TCF12: variants seen among roughly 807,000 people sequenced by gnomAD.
TCF12 encodes DNA-binding protein HTF4.
In TCF12, 45 loss-of-function variants were observed where a neutral mutation model predicts 86.0. That is an observed-to-expected ratio of 0.52 (90% CI 0.41 to 0.67). The LOEUF is 0.67. Among genes scored for constraint, TCF12 ranks in the 30% least tolerant of loss-of-function variants. The pLI is 0.00. For missense variants in TCF12, 881 were observed against 859.9 expected (o/e 1.02, Z -0.31); for synonymous variants, 330 against 299.6 (o/e 1.10, Z -1.05).
Position 57,059,703 on chromosome 15 carries a change from C to T in TCF12, c.149-4047C>T, listed in dbSNP as rs1318709805. ...ACTTACTCAAACTCTGCAGTGTTAA[C>T]AATAATTTGTTTACAGGGCTCATAT... On this transcript the variant is annotated intron_variant, in intron 3 of 20. Coordinates refer to ENST00000333725, the MANE Select transcript of TCF12 (RefSeq NM_207037.2). Among the ~76,000 whole-genome samples the T allele has an allele frequency of 1.0e-4, 10 of 96,574 alleles. No individual in the cohort carries two copies. The East Asian group carries it at 3.6e-3, about 35-fold the overall frequency. 63.4% of individuals were successfully genotyped at this position (96,574 alleles called of 152,430 possible).
chr15:57,219,569 G>A (rs754172326), intron 8 of TCF12: 1 of 1,613,390 alleles, frequency 6.2e-7, no homozygotes, highest in Admixed American at 1.7e-5. Flanking sequence ...ATTCTTTGAT[G>A]TATTACTACA....
chr15:57,131,410 T>A (rs1464401204), intron 5 of TCF12, among the ~76,000 whole-genome samples: 2 of 152,172 alleles, frequency 1.3e-5, no homozygotes, highest in Non-Finnish European at 2.9e-5. Flanking sequence ...ATTATGTTGT[T>A]TGGGGGATGG....
intron 4 of TCF12, among the ~76,000 whole-genome samples, chr15:57,080,308 T>G (rs1016227800): frequency 6.6e-6 from 1 of 152,218 alleles, no homozygotes; most frequent in Non-Finnish European, 1.5e-5. Context: ...CTGAGCACTC[T>G]GCAAGAGAAA....
At chr15:56,946,170 G>A (rs1029970679) in intron 3 of TCF12, among the ~76,000 whole-genome samples, 2 of 152,116 alleles carry the variant, frequency 1.3e-5, no homozygotes, top group East Asian at 3.9e-4. Flanking sequence ...CATTTCGGCT[G>A]CTCTATCTTT....
chr15:57,077,399 A>C, intron 4 of TCF12, among the ~76,000 whole-genome samples: 1 of 127,394 alleles, frequency 7.8e-6, no homozygotes, highest in African/African-American at 3.3e-5. Flanking sequence ...TTTTTTGGCA[A>C]GGCTTTGCTC....
chr15:57,056,823 T>G (rs1423112060), intron 3 of TCF12, among the ~76,000 whole-genome samples: 1 of 151,470 alleles, frequency 6.6e-6, no homozygotes, highest in African/African-American at 2.4e-5. Flanking sequence ...TTTTTTTTCA[T>G]TAAAAGCATG....
intron 4 of TCF12, among the ~76,000 whole-genome samples, chr15:57,089,513 G>A (rs2048854234): frequency 6.6e-6 from 1 of 151,362 alleles, no homozygotes; most frequent in South Asian, 2.1e-4. Context: ...TAAATTGTGT[G>A]TAGTCATTTA....
At chr15:57,051,407 T>C (rs1488555659) in intron 3 of TCF12, among the ~76,000 whole-genome samples, 1 of 152,218 alleles carries the variant, frequency 6.6e-6, no homozygotes, top group Non-Finnish European at 1.5e-5. Context: ...TTCTGCTCCC[T>C]TGTGTTTCCC....
chr15:57,192,409 G>C, intron 7 of TCF12, 116 bp downstream of exon 7: 1 of 1,397,430 alleles, frequency 7.2e-7, no homozygotes, highest in Non-Finnish European at 9.6e-7. Context: ...CTTTGTTTAA[G>C]ACAGCGTCTC....
chr15:56,926,196 C>A (rs2060006804), intron 3 of TCF12, among the ~76,000 whole-genome samples: 1 of 151,812 alleles, frequency 6.6e-6, no homozygotes, highest in South Asian at 2.1e-4. Context: ...GCCTGTAGTC[C>A]CAGCTACTGG....
At chr15:57,164,668 A>G (rs72731970) in intron 5 of TCF12, among the ~76,000 whole-genome samples, 28,340 of 152,036 alleles carry the variant, frequency 0.19, 3,235 homozygotes, top group Non-Finnish European at 0.25. Flanking sequence ...AGTCACAATA[A>G]GAATTTTTTT....
At chr15:57,271,726 A>C (rs1157031772) in intron 18 of TCF12, among the ~76,000 whole-genome samples, 1 of 152,226 alleles carries the variant, frequency 6.6e-6, no homozygotes, top group South Asian at 2.1e-4. Flanking sequence ...TCTTGGAAGC[A>C]ACCCACCTCG....
intron 3 of TCF12, among the ~76,000 whole-genome samples, chr15:56,922,858 C>T (rs2059851504): frequency 6.6e-6 from 1 of 151,440 alleles, no homozygotes; most frequent in South Asian, 2.1e-4. Flanking sequence ...TTTTCTGTGG[C>T]CAGTTCTTAA....
Position 56,921,898 on chromosome 15 carries a change from A to G in TCF12, c.148+800A>G, listed in dbSNP as rs533125441. Among the ~76,000 whole-genome samples the G allele has an allele frequency of 6.6e-5, 10 of 152,180 alleles. No individual in the cohort carries two copies. The South Asian group carries it at 1.0e-3, about 16-fold the overall frequency. On this transcript the variant is annotated intron_variant, in intron 3 of 20. Transcript: ENST00000333725. ...TAAAAAGTTTGTTTTTAAAAATTGTATACTAATTTATTAAAATTCATTTTT... is the reference window on the plus strand; with the variant it reads ...TAAAAAGTTTGTTTTTAAAAATTGTGTACTAATTTATTAAAATTCATTTTT...
chr15:57,219,851 G>A (rs1055425497), intron 8 of TCF12, among the ~76,000 whole-genome samples: 5 of 150,392 alleles, frequency 3.3e-5, no homozygotes, highest in Non-Finnish European at 5.9e-5. Context: ...TCAGCCTCCC[G>A]AGTAGCTGGG....
intron 3 of TCF12, among the ~76,000 whole-genome samples, chr15:57,056,082 ATTTC>A (rs1246873422): frequency 2.7e-5 from 4 of 150,506 alleles, no homozygotes; most frequent in Admixed American, 1.3e-4. Flanking sequence ...CATCCAGGAA[ATTTC>A]TTTCTAAATT....
At chr15:57,026,160 A>G (rs2065814256) in intron 3 of TCF12, among the ~76,000 whole-genome samples, 1 of 152,244 alleles carries the variant, frequency 6.6e-6, no homozygotes. Context: ...CTGCAGTTGT[A>G]ACATGAAAGC....
At chr15:57,223,643 GTTT>G (rs550493641) in intron 8 of TCF12, among the ~76,000 whole-genome samples, 14,226 of 67,654 alleles carry the variant, frequency 0.21, 1,071 homozygotes, top group African/African-American at 0.32. Flanking sequence ...TACCAATGAG[GTTT>G]TTTTTTTTTT....
At chr15:56,920,152 C>T (rs1332994885) in intron 2 of TCF12, among the ~76,000 whole-genome samples, 164 bp downstream of exon 2, 3 of 152,126 alleles carry the variant, frequency 2.0e-5, no homozygotes, top group African/African-American at 7.2e-5. Context: ...TGGAGTCCAG[C>T]TCCCCCAAGT....
Sources: allele counts gnomAD v4.1 joint callset (sites outside exome capture counted in the v4.1 genomes callset), GRCh38; gene constraint gnomAD v4.1.1; transcripts MANE v1.5; gene names NCBI Gene and HGNC (gene_info 2026-07-23, HGNC 2026-07-21).